The following RELN variants were observed in gnomAD, a reference collection of about 807,000 sequenced individuals.
RELN encodes the protein reelin.
RELN carries 108 observed loss-of-function variants against 427.6 expected under a neutral mutation model. The observed-to-expected ratio is 0.25, with a 90% CI of 0.22 to 0.30. RELN has a LOEUF of 0.30. RELN is among the 10% of genes least tolerant of loss of function. The pLI, the probability that RELN is intolerant of heterozygous loss-of-function variation, is 1.00. For missense variants in RELN, 3,715 were observed against 4,302.8 expected, an observed-to-expected ratio of 0.86 and a Z score of 3.82; for synonymous variants, 1,524 against 1,513.4, an observed-to-expected ratio of 1.01 and a Z score of -0.16.
intron 57 of RELN, among the ~76,000 whole-genome samples, chr7:103,494,341 T>C (rs1828761071): frequency 6.8e-6 from 1 of 147,482 alleles, no homozygotes; most frequent in Non-Finnish European, 1.5e-5. Flanking sequence ...GACCTAGTAA[T>C]ACAATACATT....
chr7:103,926,162 A>G (rs113277118), intron 1 of RELN, among the ~76,000 whole-genome samples: 9,597 of 131,992 alleles, frequency 0.073, 551 homozygotes, highest in East Asian at 0.24. Flanking sequence ...GTGCAGTGGC[A>G]CAATCTTGGC....
chr7:103,655,649 A>T (rs1833008645), intron 12 of RELN, among the ~76,000 whole-genome samples: 1 of 152,084 alleles, frequency 6.6e-6, no homozygotes, highest in African/African-American at 2.4e-5. Flanking sequence ...GCTAGAACTG[A>T]ATTAGTACAA....
At chr7:103,473,016 G>C in intron 64 of RELN, 108 bp from the exon 65 acceptor site, 4 of 988,608 alleles carry the variant, frequency 4.0e-6, no homozygotes, top group Non-Finnish European at 6.5e-6. Flanking sequence ...TCTGATATTT[G>C]TTTGAAAATT....
chr7:103,482,849 G>C (rs1404418110), intron 63 of RELN, 24 bp downstream of exon 63: 2 of 1,613,852 alleles, frequency 1.2e-6, no homozygotes, highest in African/African-American at 2.7e-5. Flanking sequence ...AATGGACATG[G>C]GATGCCATGT....
At chr7:103,840,913 T>G (rs1348762032) in intron 2 of RELN, among the ~76,000 whole-genome samples, 1 of 152,216 alleles carries the variant, frequency 6.6e-6, no homozygotes, top group African/African-American at 2.4e-5. Context: ...CTATGCTTTT[T>G]CTCAAAGAGA....
At chr7:103,693,072 T>G (rs1002905130) in intron 10 of RELN, among the ~76,000 whole-genome samples, 2 of 151,930 alleles carry the variant, frequency 1.3e-5, no homozygotes, top group African/African-American at 4.8e-5. Flanking sequence ...CTAACTACAA[T>G]AGCAAAGACT....
intron 2 of RELN, among the ~76,000 whole-genome samples, chr7:103,886,523 C>A (rs1794729372): frequency 6.6e-6 from 1 of 152,126 alleles, no homozygotes; most frequent in Non-Finnish European, 1.5e-5. Context: ...TAATGCACAT[C>A]TTGATTTTAA....
intron 56 of RELN, 138 bp downstream of exon 56, chr7:103,496,388 A>C (rs1828841822): frequency 8.2e-7 from 1 of 1,222,504 alleles, no homozygotes; most frequent in Non-Finnish European, 1.2e-6. Context: ...CCACTGGGCA[A>C]AATAACAGCT....
At chr7:103,796,887 AAAAAAAAG>A (rs1178736695) in intron 3 of RELN, among the ~76,000 whole-genome samples, 3 of 144,190 alleles carry the variant, frequency 2.1e-5, no homozygotes, top group South Asian at 2.1e-4. Context: ...AAAAAAAAAA[AAAAAAAAG>A]AAAGAAAGAA....
chr7:103,820,091 C>T (rs1792977832), intron 3 of RELN, among the ~76,000 whole-genome samples: 1 of 151,712 alleles, frequency 6.6e-6, no homozygotes, highest in Admixed American at 6.6e-5. Context: ...AAAAATTTAT[C>T]CAGCATGGCA....
At chr7:103,546,755 A>G (rs1312402662) in intron 41 of RELN, among the ~76,000 whole-genome samples, 1 of 152,140 alleles carries the variant, frequency 6.6e-6, no homozygotes, top group African/African-American at 2.4e-5. Flanking sequence ...ATGCTCAGTA[A>G]ATGTTTGTGG....
intron 58 of RELN, 95 bp downstream of exon 58, chr7:103,491,850 TCTCTCTCA>T (rs1235088643): frequency 1.2e-4 from 63 of 510,684 alleles, no homozygotes; most frequent in Non-Finnish European, 1.6e-4. Context: ...TCTCTCTCTC[TCTCTCTCA>T]CACACACACA....
chr7:103,960,792 C>T (rs1464631174), intron 1 of RELN, among the ~76,000 whole-genome samples: 4 of 152,190 alleles, frequency 2.6e-5, no homozygotes, highest in African/African-American at 7.2e-5. Context: ...CGCTCTGTCC[C>T]CCACAATCCT....
chr7:103,519,747 T>C (rs1314452532), intron 48 of RELN, among the ~76,000 whole-genome samples: 3 of 152,086 alleles, frequency 2.0e-5, no homozygotes, highest in Non-Finnish European at 4.4e-5. Flanking sequence ...CATGTCTAGC[T>C]AATTTTTTGT....
intron 50 of RELN, among the ~76,000 whole-genome samples, chr7:103,512,415 T>C (rs1342865476): frequency 6.6e-6 from 1 of 152,216 alleles, no homozygotes; most frequent in African/African-American, 2.4e-5. Flanking sequence ...TATTTATGTA[T>C]GGATATTCAA....
At chr7:103,665,601 G>T (rs569356879) in intron 11 of RELN, among the ~76,000 whole-genome samples, 14 of 152,086 alleles carry the variant, frequency 9.2e-5, no homozygotes, top group African/African-American at 3.4e-4. Context: ...CTATTGAATT[G>T]TTGCTTCTTT....
intron 2 of RELN, among the ~76,000 whole-genome samples, chr7:103,892,852 T>C (rs1377941513): frequency 6.6e-6 from 1 of 152,154 alleles, no homozygotes; most frequent in Non-Finnish European, 1.5e-5. Context: ...GGAAATAACA[T>C]CTTTCAGAAT....
At chr7:103,503,428 T>C (rs1829102342) in intron 51 of RELN, among the ~76,000 whole-genome samples, 198 bp from the exon 52 acceptor site, 1 of 152,150 alleles carries the variant, frequency 6.6e-6, no homozygotes, top group African/African-American at 2.4e-5. Context: ...TTATAGAAAG[T>C]GCCAAATATA....
intron 2 of RELN, among the ~76,000 whole-genome samples, chr7:103,895,831 G>GA (rs1456694427): frequency 3.3e-5 from 5 of 151,272 alleles, no homozygotes; most frequent in South Asian, 4.2e-4. Flanking sequence ...TATCATACAA[G>GA]AAAAAAATGA....
Sources: gnomAD v4.1 joint callset for allele counts (sites outside exome capture counted in the v4.1 genomes callset) on GRCh38, gnomAD v4.1.1 for gene constraint, MANE v1.5 for transcripts, NCBI Gene and HGNC (gene_info 2026-07-23, HGNC 2026-07-21) for gene names.